Variants in HTR1E observed in about 807,000 individuals in gnomAD.
HTR1E encodes the protein 5-HT-1E.
Under a neutral mutation model 3.4 loss-of-function variants are expected in HTR1E, and 3 were observed. The ratio of observed to expected loss-of-function variants is 0.89; its 90% CI spans 0.41 to 2.31. HTR1E has a LOEUF of 2.31. Ranked by LOEUF, HTR1E falls within the 30% of genes most tolerant of loss-of-function variation. The pLI, the probability that HTR1E is intolerant of heterozygous loss-of-function variation, is 0.05. For missense variants in HTR1E, 392 were observed against 467.0 expected, an observed-to-expected ratio of 0.84 and a Z score of 1.48; for synonymous variants, 170 against 182.8, an observed-to-expected ratio of 0.93 and a Z score of 0.56.
At chr6:87,002,619 T>G (rs1768041836) in intron 1 of HTR1E, among the ~76,000 whole-genome samples, 1 of 152,178 alleles carries the variant, frequency 6.6e-6, no homozygotes, top group Non-Finnish European at 1.5e-5. Flanking sequence ...CTAATTGGTG[T>G]GTTTACAATC....
At chr6:87,010,542 A>C (rs1372750302) in intron 1 of HTR1E, among the ~76,000 whole-genome samples, 1 of 137,970 alleles carries the variant, frequency 7.2e-6, no homozygotes, top group East Asian at 2.2e-4. Flanking sequence ...CCCACATCTC[A>C]GACGATGGGC....
chr6:86,953,818 T>C (rs1186275582), intron 1 of HTR1E, among the ~76,000 whole-genome samples: 1 of 152,142 alleles, frequency 6.6e-6, no homozygotes, highest in Non-Finnish European at 1.5e-5. Flanking sequence ...AAAGATTGGC[T>C]GGGGAGTCCT....
chr6:86,939,272 G>C (rs1354684322), intron 1 of HTR1E, among the ~76,000 whole-genome samples: 1 of 152,138 alleles, frequency 6.6e-6, no homozygotes, highest in Admixed American at 6.6e-5. Flanking sequence ...CTCCTAAGTG[G>C]GACTCAGCTC....
chr6:86,994,354 GACAA>G (rs997124206), intron 1 of HTR1E, among the ~76,000 whole-genome samples: 1 of 151,746 alleles, frequency 6.6e-6, no homozygotes, highest in African/African-American at 2.4e-5. Flanking sequence ...GAAAATTAAA[GACAA>G]ACAAAAAATC....
At chr6:86,976,580 G>C (rs1289275351) in intron 1 of HTR1E, among the ~76,000 whole-genome samples, 2 of 152,214 alleles carry the variant, frequency 1.3e-5, no homozygotes, top group Non-Finnish European at 2.9e-5. Flanking sequence ...CCAAGATGGT[G>C]AAAGAGTTCT....
At chr6:86,950,086 G>A (rs925283609) in intron 1 of HTR1E, among the ~76,000 whole-genome samples, 5 of 152,176 alleles carry the variant, frequency 3.3e-5, no homozygotes, top group African/African-American at 1.2e-4. Context: ...ATACCTGAAT[G>A]CAGAGTGAAT....
intron 1 of HTR1E, among the ~76,000 whole-genome samples, chr6:87,010,276 C>G (rs1768193199): frequency 8.4e-6 from 1 of 118,500 alleles, no homozygotes; most frequent in Admixed American, 8.0e-5. Context: ...CAGAGGTGCC[C>G]CTCACCTCCC....
At chr6:86,993,565 C>T (rs62440838) in intron 1 of HTR1E, among the ~76,000 whole-genome samples, 1 of 148,330 alleles carries the variant, frequency 6.7e-6, no homozygotes, top group African/African-American at 2.5e-5. Context: ...CCAAGCACTA[C>T]CCAAAAAAAA....
At chr6:86,947,404 T>G (rs1355464910) in intron 1 of HTR1E, among the ~76,000 whole-genome samples, 1 of 152,142 alleles carries the variant, frequency 6.6e-6, no homozygotes, top group Non-Finnish European at 1.5e-5. Flanking sequence ...TGGCATAAAT[T>G]TGGCAGATAC....
At chr6:87,004,527 C>T (rs6912242) in intron 1 of HTR1E, among the ~76,000 whole-genome samples, 12,962 of 152,104 alleles carry the variant, frequency 0.085, 1,015 homozygotes, top group African/African-American at 0.21. Context: ...CTGAAAAGCA[C>T]TTGATAAAAT....
At chr6:86,988,127 G>A (rs1212993847) in intron 1 of HTR1E, among the ~76,000 whole-genome samples, 2 of 152,148 alleles carry the variant, frequency 1.3e-5, no homozygotes, top group Admixed American at 1.3e-4. Context: ...TACAAAGCTA[G>A]AGAGTGACCA....
At chr6:87,010,059 G>A (rs1296993164) in intron 1 of HTR1E, among the ~76,000 whole-genome samples, 1 of 133,818 alleles carries the variant, frequency 7.5e-6, no homozygotes, top group African/African-American at 2.9e-5. Flanking sequence ...CAGGCGGGGG[G>A]CTGACCCCCC....
At chr6:87,013,803 A>G (rs1768274465) in intron 1 of HTR1E, among the ~76,000 whole-genome samples, 1 of 152,016 alleles carries the variant, frequency 6.6e-6, no homozygotes, top group African/African-American at 2.4e-5. Context: ...TAGGAAAAAA[A>G]CAAACAACCC....
chr6:86,991,417 C>T (rs1014486139), intron 1 of HTR1E, among the ~76,000 whole-genome samples: 2 of 152,118 alleles, frequency 1.3e-5, no homozygotes, highest in African/African-American at 4.8e-5. Flanking sequence ...TATATGAACT[C>T]TCTGTACTTT....
chr6:86,938,343 G>T lies in HTR1E; in HGVS notation c.-186+520G>T, dbSNP rs1359777273. On this transcript the variant is annotated intron_variant, in intron 1 of 1. Transcript: ENST00000305344. ...CAGTCCTGATAAACAAAATGCCCAGGTGTGGAGGTAATGAGGCAGGCTCAT... is the reference window on the plus strand; with the variant it reads ...CAGTCCTGATAAACAAAATGCCCAGTTGTGGAGGTAATGAGGCAGGCTCAT... Among the ~76,000 whole-genome samples the T allele has an allele frequency of 2.0e-5, 3 of 152,138 alleles. No homozygotes were observed. In the South Asian group the frequency reaches 6.2e-4, roughly 32 times the overall value.
intron 1 of HTR1E, among the ~76,000 whole-genome samples, chr6:86,985,195 C>A (rs1767768196): frequency 6.6e-6 from 1 of 151,996 alleles, no homozygotes; most frequent in African/African-American, 2.4e-5. Flanking sequence ...AGGAGACAGG[C>A]CTGAGCAGTG....
intron 1 of HTR1E, among the ~76,000 whole-genome samples, chr6:86,956,583 G>A (rs1226370902): frequency 6.6e-6 from 1 of 152,116 alleles, no homozygotes; most frequent in Non-Finnish European, 1.5e-5. Flanking sequence ...ATCAATTGAT[G>A]TCTGCTTGTA....
intron 1 of HTR1E, among the ~76,000 whole-genome samples, chr6:87,006,497 A>C (rs1397883825): frequency 1.3e-5 from 2 of 152,232 alleles, no homozygotes; most frequent in Non-Finnish European, 2.9e-5. Context: ...TTACTTTAAC[A>C]TTGTGGAATA....
intron 1 of HTR1E, among the ~76,000 whole-genome samples, chr6:87,005,954 G>T (rs1217747307): frequency 6.6e-6 from 1 of 152,066 alleles, no homozygotes; most frequent in Non-Finnish European, 1.5e-5. Flanking sequence ...CTCAAAAGAA[G>T]ACATAAAAAT....
Sources: allele counts gnomAD v4.1 joint callset (sites outside exome capture counted in the v4.1 genomes callset), GRCh38; gene constraint gnomAD v4.1.1; transcripts MANE v1.5; gene names NCBI Gene and HGNC (gene_info 2026-07-23, HGNC 2026-07-21).